Variants in PRICKLE2 observed in about 807,000 individuals in gnomAD.
The protein encoded by PRICKLE2 is prickle-like protein 2.
Under a neutral mutation model 81.4 loss-of-function variants are expected in PRICKLE2, and 21 were observed. The observed-to-expected ratio is 0.26, with a 90% CI of 0.18 to 0.37. PRICKLE2 has a LOEUF of 0.37. Among genes scored for constraint, PRICKLE2 ranks in the 10% least tolerant of loss-of-function variants. PRICKLE2 has a pLI of 1.00. For synonymous variants in PRICKLE2, 456 were observed against 421.5 expected (o/e 1.08, Z -1.00); for missense variants, 940 against 1,109.0 (o/e 0.85, Z 2.16).
intron 2 of PRICKLE2, among the ~76,000 whole-genome samples, chr3:64,243,422 C>T (rs535448485): frequency 5.3e-5 from 8 of 152,288 alleles, no homozygotes; most frequent in Middle Eastern, 3.4e-3. Context: ...ATATTCTTGA[C>T]GGACAAAATT....
intron 7 of PRICKLE2, among the ~76,000 whole-genome samples, chr3:64,112,485 A>G (rs2076864768): frequency 6.6e-6 from 1 of 152,220 alleles, no homozygotes; most frequent in Admixed American, 6.5e-5. Flanking sequence ...AATGGGTACA[A>G]TGGACAAGAA....
rs779772450 is a variant in PRICKLE2, at chr3:64,097,555, T to C, written c.*1496A>G. ...CAAGGTAGGGAGTTTTATTTTACTA[T>C]AAACAGCACAACCGTTAAATGTCTT... On this transcript the variant is annotated 3_prime_UTR_variant, in exon 8 of 8. Coordinates refer to ENST00000638394, the MANE Select transcript of PRICKLE2 (RefSeq NM_198859.4). 6.6e-6 allele frequency: 1 copy of C among 152,610 alleles called. No homozygotes were observed. Among genetic ancestry groups the C allele is most frequent in the African/African-American group, 2.4e-5 (1 of 41,448 alleles). The allele number at this position is 152,610 out of a possible 1,614,324, so 9.5% of individuals were successfully genotyped here. A position where few individuals can be genotyped will look rare whatever the true frequency, so the allele number is the denominator to read the frequency against.
chr3:64,238,902 G>C (rs765591992), intron 2 of PRICKLE2, among the ~76,000 whole-genome samples: 2 of 152,132 alleles, frequency 1.3e-5, no homozygotes, highest in African/African-American at 4.8e-5. Flanking sequence ...CCTCTGATTT[G>C]AGTGGCCATC....
At chr3:64,252,040 T>A (rs72884331) in intron 2 of PRICKLE2, among the ~76,000 whole-genome samples, 25,009 of 152,080 alleles carry the variant, frequency 0.16, 2,296 homozygotes, top group Non-Finnish European at 0.19. Flanking sequence ...GAATTCACAT[T>A]TTAATGGAAC....
rs574489258 is a variant in PRICKLE2, at chr3:64,260,907, T to C, written c.129-61940A>G. On this transcript the variant is annotated intron_variant, in intron 2 of 8. Transcript: ENST00000295902. ...CCAAAGCCATTTGTGGGAGTTGTAG[T>C]AGATCTTAAAAACTTTTGGATCCCA... Among the ~76,000 whole-genome samples, 3 of 152,310 alleles carry C rather than the reference T, an allele frequency of 2.0e-5. No homozygotes were observed. The South Asian group carries it at 6.2e-4, about 32-fold the overall frequency.
chr3:64,221,094 T>TCACCC (rs74763045), intron 1 of PRICKLE2, among the ~76,000 whole-genome samples: 20,902 of 152,014 alleles, frequency 0.14, 1,496 homozygotes, highest in East Asian at 0.22. Context: ...AGTTGCAACT[T>TCACCC]CACCCAAAGG....
intron 2 of PRICKLE2, among the ~76,000 whole-genome samples, chr3:64,173,375 A>G (rs1409420913): frequency 6.6e-6 from 1 of 152,204 alleles, no homozygotes; most frequent in Non-Finnish European, 1.5e-5. Flanking sequence ...CAGATATAAT[A>G]GGCAAAACAG....
At chr3:64,150,060 G>A (rs910632140) in intron 6 of PRICKLE2, among the ~76,000 whole-genome samples, 3 of 150,816 alleles carry the variant, frequency 2.0e-5, no homozygotes, top group Admixed American at 6.6e-5. Flanking sequence ...CAGCTGGGGC[G>A]GGGCTAGAAA....
chr3:64,265,059 T>G (rs2079678411), intron 2 of PRICKLE2, among the ~76,000 whole-genome samples: 1 of 152,188 alleles, frequency 6.6e-6, no homozygotes, highest in South Asian at 2.1e-4. Context: ...TTCTGGAAGT[T>G]GTCCAGATTA....
At position 64,153,266 on chromosome 3, in the gene PRICKLE2, T is replaced by G. The variant is rs556610090; in HGVS notation, c.703A>C (p.Ile235Leu). The G allele has an allele frequency of 6.2e-7, 1 of 1,614,182 alleles. No homozygotes were observed. The highest frequency in any genetic ancestry group is 1.1e-5 in the South Asian group (1 of 91,086). ...CAGTAGGGTCTTCCCTCCTTCATGA[T>G]GTAGCGCTGGCCGCCCAGCACTGTC... ...CETVLGGQRY[I>L]MKEGRPYCCH... Residue 235 changes from isoleucine (I) to leucine (L), a missense_variant, in exon 6 of 8, where the codon ATC becomes CTC. By Grantham distance (5) the Ile-to-Leu change is conservative. This residue lies in a region of PRICKLE2 where 270 missense variants were observed against 391.8 expected (regional missense o/e 0.69). Coordinates refer to ENST00000638394, the MANE Select transcript of PRICKLE2 (RefSeq NM_198859.4).
chr3:64,172,813 T>G (rs1299365665), intron 2 of PRICKLE2, among the ~76,000 whole-genome samples: 1 of 152,146 alleles, frequency 6.6e-6, no homozygotes, highest in Non-Finnish European at 1.5e-5. Flanking sequence ...GGGGCCCTAT[T>G]CAATAAGACT....
At chr3:64,141,789 T>C (rs894040674) in intron 7 of PRICKLE2, 1 of 985,036 alleles carries the variant, frequency 1.0e-6, no homozygotes, top group Non-Finnish European at 1.2e-6. Flanking sequence ...CACAGAAAGA[T>C]CACACTTCAT....
intron 2 of PRICKLE2, among the ~76,000 whole-genome samples, chr3:64,175,671 A>G (rs1490206496): frequency 6.6e-6 from 1 of 152,220 alleles, no homozygotes; most frequent in African/African-American, 2.4e-5. Context: ...ATAATTGATT[A>G]TACAGGATAT....
At chr3:64,182,255 A>C (rs1038457055) in intron 2 of PRICKLE2, among the ~76,000 whole-genome samples, 2 of 152,132 alleles carry the variant, frequency 1.3e-5, no homozygotes, top group African/African-American at 4.8e-5. Context: ...TGGGAGGACA[A>C]GGTGGAAGAT....
rs202025796 is a variant in PRICKLE2 at position 64,157,317 on chromosome 3, C to T, written c.445G>A (p.Ala149Thr). 15 of 1,613,810 alleles carry T rather than the reference C, an allele frequency of 9.3e-6. No individual in the cohort carries two copies. The highest frequency in any genetic ancestry group is 1.7e-4 in the Middle Eastern group (1 of 5,876). ...GGGTGCCAGCAAACGCCGTGGCCAGCGCGTGACGCAAACACAGCGATGTCT... is the reference window on the plus strand; with the variant it reads ...GGGTGCCAGCAAACGCCGTGGCCAGTGCGTGACGCAAACACAGCGATGTCT... ...GGDIAVFASR[A>T]GHGVCWHPPC... Residue 149 changes from alanine to threonine, a missense_variant, in exon 5 of 8, where the codon GCT (alanine) becomes ACT (threonine). By Grantham distance (58) the Ala-to-Thr change is moderately conservative. This residue lies in a region of PRICKLE2 where 270 missense variants were observed against 391.8 expected (regional missense o/e 0.69). Coordinates refer to ENST00000638394, the MANE Select transcript of PRICKLE2 (RefSeq NM_198859.4).
intron 2 of PRICKLE2, among the ~76,000 whole-genome samples, chr3:64,233,720 T>C (rs1459453460): frequency 1.3e-5 from 2 of 152,204 alleles, no homozygotes; most frequent in East Asian, 3.8e-4. Flanking sequence ...TAATATACTA[T>C]ACAGCTCACC....
intron 2 of PRICKLE2, among the ~76,000 whole-genome samples, chr3:64,193,484 C>A (rs930382525): frequency 1.3e-5 from 2 of 152,090 alleles, no homozygotes; most frequent in East Asian, 1.9e-4. Context: ...TAATCCAGAT[C>A]GAAATATACT....
chr3:64,233,507 C>T (rs1224700013), intron 2 of PRICKLE2, among the ~76,000 whole-genome samples: 1 of 152,178 alleles, frequency 6.6e-6, no homozygotes, highest in African/African-American at 2.4e-5. Context: ...GGTCTTTGCA[C>T]TTGTCTGAAA....
chr3:64,107,820 T>C (rs534357843), intron 7 of PRICKLE2, among the ~76,000 whole-genome samples: 2 of 152,212 alleles, frequency 1.3e-5, no homozygotes, highest in Non-Finnish European at 2.9e-5. Context: ...AAAAATAACT[T>C]TTTTAAGCAT....
Sources: allele counts gnomAD v4.1 joint callset (sites outside exome capture counted in the v4.1 genomes callset), GRCh38; gene constraint gnomAD v4.1.1; regional missense constraint gnomAD v4.1.1; transcripts MANE v1.5; gene names NCBI Gene and HGNC (gene_info 2026-07-23, HGNC 2026-07-21).